Variants in VPS35L observed in about 807,000 individuals in gnomAD.
VPS35L encodes VPS35 endosomal protein-sorting factor-like.
In VPS35L, 83 loss-of-function variants were observed where a neutral mutation model predicts 133.0. The observed-to-expected ratio is 0.62, with a 90% CI of 0.52 to 0.75. The LOEUF (loss-of-function observed/expected upper bound fraction) is 0.75, where lower values mean the gene tolerates loss of function less well. VPS35L is among the 30% of genes least tolerant of loss of function. The pLI, the probability that VPS35L is intolerant of heterozygous loss-of-function variation, is 0.00. For synonymous variants in VPS35L, 423 were observed against 449.9 expected (o/e 0.94, Z 0.76); for missense variants, 1,083 against 1,206.8 (o/e 0.90, Z 1.52).
chr16:19,599,146 C>T (rs1249122809), intron 8 of VPS35L, among the ~76,000 whole-genome samples: 1 of 152,180 alleles, frequency 6.6e-6, no homozygotes, highest in African/African-American at 2.4e-5. Context: ...TAAGGCCTTC[C>T]AGGGGCTTCT....
intron 26 of VPS35L, among the ~76,000 whole-genome samples, chr16:19,662,419 T>C (rs1974516805): frequency 6.6e-6 from 1 of 152,150 alleles, no homozygotes; most frequent in African/African-American, 2.4e-5. Context: ...GATAAAAGAC[T>C]GACACGGATA....
intron 8 of VPS35L, among the ~76,000 whole-genome samples, chr16:19,601,388 C>T (rs995776983): frequency 2.6e-5 from 4 of 152,124 alleles, no homozygotes; most frequent in Non-Finnish European, 2.9e-5. Flanking sequence ...TGTGGACCAT[C>T]GTCTGAGTGG....
chr16:19,662,503 G>A (rs1401748294), intron 26 of VPS35L, among the ~76,000 whole-genome samples: 2 of 152,140 alleles, frequency 1.3e-5, no homozygotes, highest in Non-Finnish European at 2.9e-5. Flanking sequence ...GGCAAAGTTC[G>A]CATTTATTTA....
intron 26 of VPS35L, among the ~76,000 whole-genome samples, chr16:19,660,257 GGTGGAGGTTGCAGTGAGCCA>G (rs1224723873): frequency 1.3e-5 from 2 of 151,988 alleles, no homozygotes; most frequent in African/African-American, 4.8e-5. Context: ...GAACCTGGGA[GGTGGAGGTTGCAGTGAGCCA>G]TGATTGCACC....
At chr16:19,563,660 T>A (rs1246651597) in intron 1 of VPS35L, among the ~76,000 whole-genome samples, 1 of 152,206 alleles carries the variant, frequency 6.6e-6, no homozygotes, top group Non-Finnish European at 1.5e-5. Flanking sequence ...AGCTCACAAA[T>A]CCTTTCTCTT....
intron 12 of VPS35L, among the ~76,000 whole-genome samples, chr16:19,614,201 C>T (rs909062382): frequency 6.6e-6 from 1 of 152,168 alleles, no homozygotes; most frequent in Admixed American, 6.5e-5. Context: ...AATCAGAACA[C>T]TGTAGAACTG....
intron 7 of VPS35L, among the ~76,000 whole-genome samples, chr16:19,583,702 AC>A (rs1257556779): frequency 6.6e-6 from 1 of 151,732 alleles, no homozygotes; most frequent in Non-Finnish European, 1.5e-5. Flanking sequence ...AGCCTGGGTG[AC>A]AGAGTGAGAT....
At chr16:19,556,613 C>T (rs1020436945) in intron 1 of VPS35L, among the ~76,000 whole-genome samples, 1 of 152,204 alleles carries the variant, frequency 6.6e-6, no homozygotes, top group African/African-American at 2.4e-5. Context: ...TTTACTTTCT[C>T]TTCAAATGAT....
At chr16:19,667,260 T>C (rs935103240) in intron 26 of VPS35L, among the ~76,000 whole-genome samples, 4 of 151,980 alleles carry the variant, frequency 2.6e-5, no homozygotes, top group Non-Finnish European at 4.4e-5. Flanking sequence ...CCGTACCTGG[T>C]TGGGCCATGT....
At chr16:19,646,589 C>T (rs1412439330) in intron 23 of VPS35L, among the ~76,000 whole-genome samples, 1 of 151,698 alleles carries the variant, frequency 6.6e-6, no homozygotes, top group African/African-American at 2.4e-5. Flanking sequence ...CGCTTGAACC[C>T]GGGAGGCAGA....
At chr16:19,630,152 A>G (rs533950813) in intron 18 of VPS35L, among the ~76,000 whole-genome samples, 1 of 152,182 alleles carries the variant, frequency 6.6e-6, no homozygotes, top group African/African-American at 2.4e-5. Context: ...TTCCCAAACA[A>G]TTTGACTGGC....
intron 8 of VPS35L, among the ~76,000 whole-genome samples, chr16:19,600,605 G>A (rs1164237436): frequency 6.6e-6 from 1 of 152,274 alleles, no homozygotes; most frequent in African/African-American, 2.4e-5. Context: ...TGTGTGCCAG[G>A]CACTGATCAG....
In VPS35L at chr16:19,610,342, C is replaced by A; in HGVS notation, c.950C>A (p.Pro317His). The change falls in exon 12 of 31, where the codon CCC becomes CAC. Residue 317 changes from proline (P) to histidine (H), a missense_variant. Transcript: ENST00000417362. ...TGCAGGGGAATTTCAGAGTGCCTGC[C>A]CCGGTTGACATGCATGATCAGAGGG... ...LSKTGISECL[P>H]RLTCMIRGIG... The A allele has an allele frequency of 1.2e-6, 2 of 1,613,968 alleles. No homozygotes were observed. The highest frequency in any genetic ancestry group is 1.7e-6 in the Non-Finnish European group (2 of 1,179,984).
intron 8 of VPS35L, among the ~76,000 whole-genome samples, chr16:19,601,387 T>C (rs1159571273): frequency 6.6e-6 from 1 of 152,144 alleles, no homozygotes; most frequent in Non-Finnish European, 1.5e-5. Context: ...GTGTGGACCA[T>C]CGTCTGAGTG....
intron 4 of VPS35L, among the ~76,000 whole-genome samples, chr16:19,574,767 C>T (rs1463504573): frequency 1.3e-5 from 2 of 152,110 alleles, no homozygotes; most frequent in African/African-American, 2.4e-5. Flanking sequence ...TGGGGCTAAA[C>T]ATCCAACGGT....
At chr16:19,555,883 T>C in intron 1 of VPS35L, 137 bp downstream of exon 1, 2 of 1,277,070 alleles carry the variant, frequency 1.6e-6, no homozygotes, top group African/African-American at 1.5e-5. Flanking sequence ...GTCTTGACCG[T>C]AGAATCCCTG....
At chr16:19,610,982 T>C (rs761765991) in intron 12 of VPS35L, among the ~76,000 whole-genome samples, 1 of 152,196 alleles carries the variant, frequency 6.6e-6, no homozygotes, top group Non-Finnish European at 1.5e-5. Context: ...GGAAAAAATG[T>C]AACCAATGGA....
chr16:19,637,687 A>G, intron 20 of VPS35L, 31 bp downstream of exon 20: 1 of 1,473,884 alleles, frequency 6.8e-7, no homozygotes, highest in Non-Finnish European at 9.3e-7. Context: ...ATCTTTGGAA[A>G]TTTGTACCTG....
chr16:19,690,976 A>G (rs1975652695), intron 28 of VPS35L, among the ~76,000 whole-genome samples: 1 of 151,690 alleles, frequency 6.6e-6, no homozygotes. Flanking sequence ...AAAAAAAAAG[A>G]AAAGAAAAGA....
Sources: allele counts gnomAD v4.1 joint callset (sites outside exome capture counted in the v4.1 genomes callset), GRCh38; gene constraint gnomAD v4.1.1; transcripts MANE v1.5; gene names NCBI Gene and HGNC (gene_info 2026-07-23, HGNC 2026-07-21).